LIPC: variants seen among roughly 807,000 people sequenced by gnomAD.
The protein encoded by LIPC is hepatic triacylglycerol lipase.
LIPC carries 44 observed loss-of-function variants against 50.7 expected under a neutral mutation model. The observed-to-expected ratio is 0.87, with a 90% CI of 0.68 to 1.11. LIPC has a LOEUF of 1.11. Ranked by LOEUF, LIPC falls within the 50% of genes most tolerant of loss-of-function variation. The pLI is 0.00. For synonymous variants in LIPC, 271 were observed against 256.4 expected (o/e 1.06, Z -0.54); for missense variants, 697 against 648.2 (o/e 1.08, Z -0.82).
chr15:58,493,257 G>T (rs993441732), intron 1 of LIPC, among the ~76,000 whole-genome samples: 1 of 152,114 alleles, frequency 6.6e-6, no homozygotes, highest in African/African-American at 2.4e-5. Flanking sequence ...ACCTCCTCCC[G>T]CCAGCACTCC....
In LIPC at chr15:58,542,041, T is replaced by A. The variant is rs1311870828; in HGVS notation, c.456+74T>A. ...TCCTCTGAGAGTGAATGAATTAAGCTGGTCTCCAACAGCAGCCCAGGCAGG... is the reference window on the plus strand; with the variant it reads ...TCCTCTGAGAGTGAATGAATTAAGCAGGTCTCCAACAGCAGCCCAGGCAGG... On this transcript the variant is annotated intron_variant, in intron 3 of 8. Transcript: ENST00000299022. 9 of 1,497,470 alleles carry A rather than the reference T, an allele frequency of 6.0e-6. No homozygotes were observed. The Admixed American group carries it at 1.3e-4, about 22-fold the overall frequency. The allele number at this position is 1,497,470 out of a possible 1,614,324, so 92.8% of individuals were successfully genotyped here.
chr15:58,565,229 G>T (rs1191769198), intron 8 of LIPC: 37 of 1,535,714 alleles, frequency 2.4e-5, no homozygotes, highest in Non-Finnish European at 3.2e-5. Flanking sequence ...CTCCTCTTCT[G>T]CACTGAGCTC....
intron 1 of LIPC, among the ~76,000 whole-genome samples, chr15:58,534,920 GCCCA>G (rs1893065505): frequency 6.6e-6 from 1 of 152,066 alleles, no homozygotes; most frequent in Non-Finnish European, 1.5e-5. Context: ...TCCATGTCAT[GCCCA>G]CCCAGTGATT....
chr15:58,448,902 G>T (rs566966259), intron 1 of LIPC, among the ~76,000 whole-genome samples: 170 of 152,330 alleles, frequency 1.1e-3, no homozygotes, highest in Non-Finnish European at 1.0e-4. Context: ...TGCACTCTCA[G>T]ACAAAACTGA....
chr15:58,436,802 G>A, intron 1 of LIPC: 1 of 456,272 alleles, frequency 2.2e-6, no homozygotes, highest in South Asian at 1.5e-5. Flanking sequence ...GGGTGTTGAA[G>A]GATGGTATCC....
At chr15:58,555,837 G>A (rs1017656214) in intron 6 of LIPC, among the ~76,000 whole-genome samples, 1 of 152,220 alleles carries the variant, frequency 6.6e-6, no homozygotes, top group Non-Finnish European at 1.5e-5. Context: ...GGCAGTGGCT[G>A]CACAGTCAGG....
rs1360355765 is a variant in LIPC at position 58,568,750 on chromosome 15, C to G, written c.1423C>G (p.Leu475Val). 2.5e-6 allele frequency: 4 copies of G among 1,610,840 alleles called. No individual in the cohort carries two copies. The highest frequency in any genetic ancestry group is 3.4e-6 in the Non-Finnish European group (4 of 1,177,520). Reference sequence around the variant, plus strand: ...TTGTTCAGAAAACACAGATGACCTACTACTTCGCCCAACCCAGGAAAAAAT... The same window carrying G: ...TTGTTCAGAAAACACAGATGACCTAGTACTTCGCCCAACCCAGGAAAAAAT... ...TFCSENTDDL[L>V]LRPTQEKIFV... The change falls in exon 9 of 9, where the codon CTA becomes GTA. Residue 475 changes from leucine to valine, a missense_variant. Coordinates refer to ENST00000299022, the MANE Select transcript of LIPC (RefSeq NM_000236.3).
intron 7 of LIPC, among the ~76,000 whole-genome samples, chr15:58,561,691 T>A (rs1446010059): frequency 6.6e-6 from 1 of 152,150 alleles, no homozygotes; most frequent in Non-Finnish European, 1.5e-5. Context: ...TAGGGTAAAA[T>A]AGTTTAATTT....
intron 1 of LIPC, among the ~76,000 whole-genome samples, chr15:58,511,142 C>A (rs1892318215): frequency 6.6e-6 from 1 of 152,202 alleles, no homozygotes; most frequent in Non-Finnish European, 1.5e-5. Context: ...CTATGTTTTT[C>A]TTCTCGGCTA....
At chr15:58,537,955 C>T (rs1285995410) in intron 1 of LIPC, among the ~76,000 whole-genome samples, 7 of 152,290 alleles carry the variant, frequency 4.6e-5, no homozygotes, top group East Asian at 3.9e-4. Context: ...TTGGAGACAG[C>T]GACACCTGGG....
chr15:58,479,949 G>A (rs551119444), intron 1 of LIPC, among the ~76,000 whole-genome samples: 43 of 152,298 alleles, frequency 2.8e-4, no homozygotes, highest in African/African-American at 8.9e-4. Flanking sequence ...AGAAAACTAT[G>A]AAAGTGCCTC....
rs551864713 is a variant in LIPC, at chr15:58,438,963, T to C, written c.88+6843T>C. Among the ~76,000 whole-genome samples the C allele has an allele frequency of 2.0e-5, 3 of 152,310 alleles. No homozygotes were observed. The South Asian group carries it at 6.2e-4, about 32-fold the overall frequency. On this transcript the variant is annotated intron_variant, in intron 1 of 8. Coordinates refer to ENST00000299022, the MANE Select transcript of LIPC (RefSeq NM_000236.3). ...AGTGAAGAGAAGAGAAGGAAATGCA[T>C]GGAATGCAAGCGGAGGCCTCTTTGT...
chr15:58,502,507 CTCT>C (rs1260423902), intron 1 of LIPC, among the ~76,000 whole-genome samples: 61 of 20,452 alleles, frequency 3.0e-3, no homozygotes, highest in Middle Eastern at 0.023. Flanking sequence ...ATGTAATTTT[CTCT>C]TTTTTTTTTT....
intron 1 of LIPC, among the ~76,000 whole-genome samples, chr15:58,530,488 A>G (rs1384250373): frequency 1.3e-5 from 2 of 152,264 alleles, no homozygotes; most frequent in Non-Finnish European, 2.9e-5. Flanking sequence ...CCTGCTGTGC[A>G]GCCTATGCCG....
intron 1 of LIPC, among the ~76,000 whole-genome samples, chr15:58,531,771 G>T (rs1181732309): frequency 6.6e-6 from 1 of 152,004 alleles, no homozygotes; most frequent in Non-Finnish European, 1.5e-5. Context: ...TGCAAAAAAT[G>T]ATGGGAAGAT....
chr15:58,516,643 C>T (rs1017777709), intron 1 of LIPC, among the ~76,000 whole-genome samples: 30 of 152,154 alleles, frequency 2.0e-4, no homozygotes, highest in African/African-American at 7.2e-4. Flanking sequence ...ATATCTCAGA[C>T]ATTGATTTTT....
At chr15:58,523,033 T>A (rs1163091788) in intron 1 of LIPC, 9 of 152,454 alleles carry the variant, frequency 5.9e-5, no homozygotes, top group African/African-American at 2.2e-4. Flanking sequence ...AGGGCCTCTG[T>A]GAAGCCCTGG....
intron 1 of LIPC, among the ~76,000 whole-genome samples, chr15:58,438,080 C>T (rs575086026): frequency 2.6e-5 from 4 of 152,194 alleles, no homozygotes; most frequent in Non-Finnish European, 4.4e-5. Context: ...TAAGCTGACC[C>T]GAAAACATGA....
intron 1 of LIPC, among the ~76,000 whole-genome samples, chr15:58,513,724 C>G (rs1363297890): frequency 6.6e-6 from 1 of 152,208 alleles, no homozygotes; most frequent in African/African-American, 2.4e-5. Flanking sequence ...AAAGCAACTC[C>G]CTCAGTTCAC....
Sources: allele counts gnomAD v4.1 joint callset (sites outside exome capture counted in the v4.1 genomes callset), GRCh38; gene constraint gnomAD v4.1.1; transcripts MANE v1.5; gene names NCBI Gene and HGNC (gene_info 2026-07-23, HGNC 2026-07-21).